Variants in TMTC2 observed in about 807,000 individuals in gnomAD.
The protein encoded by TMTC2 is transmembrane O-mannosyltransferase targeting cadherins 2.
Under a neutral mutation model 82.4 loss-of-function variants are expected in TMTC2, and 43 were observed. The ratio of observed to expected loss-of-function variants is 0.52; its 90% CI spans 0.41 to 0.67. TMTC2 has a LOEUF of 0.67. Ranked by LOEUF, TMTC2 falls within the 30% of genes least tolerant of loss-of-function variation. The pLI, the probability that TMTC2 is intolerant of heterozygous loss-of-function variation, is 0.00. For synonymous variants in TMTC2, 408 were observed against 381.9 expected, an observed-to-expected ratio of 1.07 and a Z score of -0.80; for missense variants, 919 against 1,012.4, an observed-to-expected ratio of 0.91 and a Z score of 1.25.
At chr12:82,757,513 G>GTTAGGAAATA (rs1876404593) in intron 1 of TMTC2, among the ~76,000 whole-genome samples, 1 of 152,102 alleles carries the variant, frequency 6.6e-6, no homozygotes. Context: ...CTTTATATAG[G>GTTAGGAAATA]TTAGGAAATA....
intron 8 of TMTC2, among the ~76,000 whole-genome samples, chr12:83,006,581 C>T (rs1880213953): frequency 6.6e-6 from 1 of 152,168 alleles, no homozygotes; most frequent in East Asian, 1.9e-4. Context: ...TACCATTTGA[C>T]CCAGCAATCC....
intron 2 of TMTC2, among the ~76,000 whole-genome samples, chr12:82,879,959 A>T (rs527897090): frequency 2.0e-5 from 3 of 152,332 alleles, no homozygotes; most frequent in African/African-American, 4.8e-5. Flanking sequence ...GAATAAAGTG[A>T]TGTAACAGGT....
At chr12:82,825,241 G>GA (rs1296685659) in intron 1 of TMTC2, among the ~76,000 whole-genome samples, 3 of 152,088 alleles carry the variant, frequency 2.0e-5, no homozygotes, top group African/African-American at 7.2e-5. Flanking sequence ...AGTTTTATTT[G>GA]AAAAAACATT....
At chr12:82,918,841 T>C (rs569435692) in intron 3 of TMTC2, among the ~76,000 whole-genome samples, 1 of 151,848 alleles carries the variant, frequency 6.6e-6, no homozygotes, top group East Asian at 2.0e-4. Flanking sequence ...CACTGCAACC[T>C]CCACCTCCCA....
chr12:82,914,307 C>T (rs1476486802), intron 3 of TMTC2, among the ~76,000 whole-genome samples: 1 of 151,934 alleles, frequency 6.6e-6, no homozygotes, highest in Non-Finnish European at 1.5e-5. Flanking sequence ...ATTTTTTACT[C>T]ATCATTTCTT....
At chr12:82,774,137 TTA>T (rs926221439) in intron 1 of TMTC2, among the ~76,000 whole-genome samples, 2 of 152,080 alleles carry the variant, frequency 1.3e-5, no homozygotes, top group African/African-American at 4.8e-5. Context: ...GTTGATGCTG[TTA>T]TATATGTGTG....
At chr12:83,130,549 AG>A (rs557022419) in intron 11 of TMTC2, among the ~76,000 whole-genome samples, 17 of 152,346 alleles carry the variant, frequency 1.1e-4, no homozygotes, top group African/African-American at 3.8e-4. Context: ...AAAATGATAT[AG>A]AAAGGTTTAA....
intron 7 of TMTC2, among the ~76,000 whole-genome samples, chr12:82,982,439 CTT>C (rs11389314): frequency 5.2e-4 from 75 of 144,170 alleles, no homozygotes; most frequent in South Asian, 1.3e-3. Flanking sequence ...TATCCATAAT[CTT>C]TTTTTTTTTT....
intron 1 of TMTC2, among the ~76,000 whole-genome samples, chr12:82,692,924 G>A (rs1872638795): frequency 6.6e-6 from 1 of 152,178 alleles, no homozygotes. Flanking sequence ...TACATACAGT[G>A]CTAAATGTTT....
At chr12:83,080,365 T>TTCTC (rs367851763) in intron 11 of TMTC2, among the ~76,000 whole-genome samples, 55 of 150,312 alleles carry the variant, frequency 3.7e-4, no homozygotes, top group African/African-American at 1.2e-3. Flanking sequence ...AGATTCACCT[T>TTCTC]TCTCTCTCTC....
intron 1 of TMTC2, among the ~76,000 whole-genome samples, chr12:82,788,348 C>T (rs1878286991): frequency 6.6e-6 from 1 of 152,026 alleles, no homozygotes; most frequent in African/African-American, 2.4e-5. Context: ...TAAATTCTTA[C>T]ATCATTGCAA....
intron 2 of TMTC2, among the ~76,000 whole-genome samples, chr12:82,878,857 G>A (rs1872696391): frequency 6.6e-6 from 1 of 152,092 alleles, no homozygotes; most frequent in African/African-American, 2.4e-5. Context: ...GGGTAACATA[G>A]CAAGGCCCTG....
At chr12:82,867,366 G>T (rs1289820184) in intron 2 of TMTC2, among the ~76,000 whole-genome samples, 4 of 152,102 alleles carry the variant, frequency 2.6e-5, no homozygotes, top group African/African-American at 7.2e-5. Context: ...TGTGATGGGG[G>T]ATCTGTGTTG....
intron 8 of TMTC2, among the ~76,000 whole-genome samples, chr12:83,007,246 C>T (rs1655598): frequency 0.78 from 118,980 of 151,938 alleles, 47,631 homozygotes; most frequent in South Asian, 0.93. Context: ...GACTTAGTTT[C>T]TTCTTCTTTA....
chr12:82,895,575 GA>G (rs1873617055), intron 2 of TMTC2, among the ~76,000 whole-genome samples: 3 of 151,752 alleles, frequency 2.0e-5, no homozygotes, highest in Non-Finnish European at 4.4e-5. Flanking sequence ...ATTTTAGAGA[GA>G]AAAAAATAAG....
Position 82,734,329 on chromosome 12 carries a change from C to T in TMTC2, c.83+46660C>T, listed in dbSNP as rs553718627. ...CCCTGGGAAAGATCAGTTTCCAAGC[C>T]TTTCCAGGTTGTTGGCTGAATCCAG... On this transcript the variant is annotated intron_variant, in intron 1 of 11. Transcript: ENST00000321196. Among the ~76,000 whole-genome samples the T allele has an allele frequency of 2.0e-5, 3 of 152,198 alleles. No homozygotes were observed. In the South Asian group the frequency reaches 6.2e-4, roughly 32 times the overall value.
chr12:82,932,285 G>A (rs144389460), intron 4 of TMTC2, among the ~76,000 whole-genome samples: 54 of 152,152 alleles, frequency 3.5e-4, no homozygotes, highest in African/African-American at 1.2e-3. Flanking sequence ...TCAATCTAGC[G>A]GCCTGTGGTC....
At chr12:82,838,417 T>C (rs1870163347) in intron 1 of TMTC2, among the ~76,000 whole-genome samples, 1 of 152,168 alleles carries the variant, frequency 6.6e-6, no homozygotes, top group Non-Finnish European at 1.5e-5. Flanking sequence ...TTTAGTTGAG[T>C]GCACTCCCTA....
At chr12:83,018,770 C>G (rs1325404216) in intron 8 of TMTC2, among the ~76,000 whole-genome samples, 3 of 151,466 alleles carry the variant, frequency 2.0e-5, no homozygotes, top group Non-Finnish European at 4.4e-5. Context: ...ACCACGGAAA[C>G]TATGCCATCC....
Sources: gnomAD v4.1 joint callset for allele counts (sites outside exome capture counted in the v4.1 genomes callset) on GRCh38, gnomAD v4.1.1 for gene constraint, MANE v1.5 for transcripts, NCBI Gene and HGNC (gene_info 2026-07-23, HGNC 2026-07-21) for gene names.